ANKFN1: variants seen among roughly 807,000 people sequenced by gnomAD.
ANKFN1 encodes ankyrin repeat and fibronectin type-III domain-containing protein 1.
ANKFN1 carries 74 observed loss-of-function variants against 108.7 expected under a neutral mutation model. The ratio of observed to expected loss-of-function variants is 0.68; its 90% CI spans 0.56 to 0.83. ANKFN1 has a LOEUF of 0.83. Among genes scored for constraint, ANKFN1 ranks in the 40% least tolerant of loss-of-function variants. ANKFN1 has a pLI of 0.00. For missense variants in ANKFN1, 1,505 were observed against 1,382.3 expected, an observed-to-expected ratio of 1.09 and a Z score of -1.41; for synonymous variants, 547 against 516.2, an observed-to-expected ratio of 1.06 and a Z score of -0.81.
intron 8 of ANKFN1, among the ~76,000 whole-genome samples, chr17:56,386,375 G>T (rs2047270125): frequency 6.6e-6 from 1 of 151,904 alleles, no homozygotes; most frequent in Non-Finnish European, 1.5e-5. Flanking sequence ...AATGCTAAAT[G>T]ACAAGTTAAT....
intron 15 of ANKFN1, among the ~76,000 whole-genome samples, chr17:56,467,826 G>GAA (rs1166242975): frequency 6.3e-5 from 4 of 63,320 alleles, no homozygotes; most frequent in African/African-American, 3.8e-4. Flanking sequence ...AAGAAAGAAA[G>GAA]AAAGAAAGAA....
intron 20 of ANKFN1, among the ~76,000 whole-genome samples, chr17:56,509,396 C>T (rs1404841913): frequency 6.6e-6 from 1 of 152,190 alleles, no homozygotes; most frequent in Admixed American, 6.5e-5. Context: ...TGACCTCATC[C>T]AACACATCTA....
intron 11 of ANKFN1, 43 bp from the exon 12 acceptor site, chr17:56,456,818 T>G: frequency 6.5e-7 from 1 of 1,531,504 alleles, no homozygotes; most frequent in Non-Finnish European, 9.0e-7. Flanking sequence ...GGTGTTGATC[T>G]GCCCAGTGGA....
chr17:56,076,070 G>A lies in ANKFN1; in HGVS notation c.288+29745G>A, dbSNP rs777767171. Reference sequence around the variant, plus strand: ...ATCTCTGATACACAATTTGGACTTTGCTAAATTTTGGAAAGGTCATTCAGT... The same window carrying A: ...ATCTCTGATACACAATTTGGACTTTACTAAATTTTGGAAAGGTCATTCAGT... On this transcript the variant is annotated intron_variant, in intron 4 of 12. Coordinates refer to the ANKFN1 transcript ENST00000635860. Among the ~76,000 whole-genome samples, 13 of 152,088 alleles carry A rather than the reference G, an allele frequency of 8.5e-5. No homozygotes were observed. In the South Asian group the frequency reaches 1.0e-3, roughly 12 times the overall value.
At chr17:56,189,170 C>CTTTTTTTTTT (rs532063852) in intron 1 of ANKFN1, among the ~76,000 whole-genome samples, 6,134 of 84,784 alleles carry the variant, frequency 0.072, 781 homozygotes, top group East Asian at 0.15. Flanking sequence ...GTTGCCCTGA[C>CTTTTTTTTTT]TTTTTTTTTT....
At chr17:56,351,067 T>G (rs988918437) in intron 5 of ANKFN1, 100 bp downstream of exon 5, 7 of 1,226,246 alleles carry the variant, frequency 5.7e-6, no homozygotes, top group Non-Finnish European at 5.7e-6. Flanking sequence ...CAGAAGTTGA[T>G]GCTTGCAATT....
intron 3 of ANKFN1, among the ~76,000 whole-genome samples, chr17:56,280,008 C>CTTTTTTTT (rs3086033): frequency 4.4e-5 from 6 of 134,858 alleles, no homozygotes; most frequent in Admixed American, 7.3e-5. Context: ...CACATAATGT[C>CTTTTTTTT]TTTTTTTTTT....
At chr17:56,050,752 AT>A (rs1246730100) in intron 4 of ANKFN1, among the ~76,000 whole-genome samples, 1 of 152,122 alleles carries the variant, frequency 6.6e-6, no homozygotes, top group South Asian at 2.1e-4. Context: ...ATTGATCTAT[AT>A]CTCTGTTTTG....
upstream of ANKFN1, among the ~76,000 whole-genome samples, chr17:56,149,350 T>A (rs556261887): frequency 6.6e-6 from 1 of 152,186 alleles, no homozygotes; most frequent in Admixed American, 6.5e-5. Context: ...TAGAAAATGA[T>A]GTCTTGGGAT....
At chr17:56,507,014 A>G (rs1039806815) in intron 20 of ANKFN1, among the ~76,000 whole-genome samples, 5 of 152,216 alleles carry the variant, frequency 3.3e-5, no homozygotes, top group Non-Finnish European at 7.3e-5. Flanking sequence ...AATATCAGAT[A>G]TTGTTATTAC....
chr17:56,271,816 G>C (rs928676401), intron 3 of ANKFN1, among the ~76,000 whole-genome samples: 1 of 152,174 alleles, frequency 6.6e-6, no homozygotes, highest in Non-Finnish European at 1.5e-5. Context: ...CCTACATCCT[G>C]CCCCTGAAAG....
intron 10 of ANKFN1, among the ~76,000 whole-genome samples, chr17:56,443,647 C>G (rs2049189085): frequency 6.6e-6 from 1 of 152,208 alleles, no homozygotes; most frequent in South Asian, 2.1e-4. Context: ...CTGCTACAAA[C>G]CCACAAACAT....
At chr17:56,146,448 C>T (rs1230684087) in intron 4 of ANKFN1, among the ~76,000 whole-genome samples, 1 of 152,208 alleles carries the variant, frequency 6.6e-6, no homozygotes, top group African/African-American at 2.4e-5. Flanking sequence ...TCCATGAAGG[C>T]TCTGCCCCTG....
At chr17:56,338,363 A>C (rs561539239) in intron 4 of ANKFN1, among the ~76,000 whole-genome samples, 4 of 152,070 alleles carry the variant, frequency 2.6e-5, no homozygotes, top group African/African-American at 7.2e-5. Flanking sequence ...ATGATGAGTT[A>C]ATGGGTGCAG....
chr17:56,304,996 C>T (rs1432865794), intron 3 of ANKFN1, among the ~76,000 whole-genome samples: 1 of 152,130 alleles, frequency 6.6e-6, no homozygotes, highest in African/African-American at 2.4e-5. Flanking sequence ...GCTGTAAGGA[C>T]ATACCTGAGA....
intron 3 of ANKFN1, among the ~76,000 whole-genome samples, chr17:56,288,612 G>A (rs2044279137): frequency 6.6e-6 from 1 of 152,130 alleles, no homozygotes; most frequent in South Asian, 2.1e-4. Context: ...TTGGAAATAG[G>A]CAAATATAAA....
rs555127478 is a variant in ANKFN1 at position 56,092,690 on chromosome 17, C to T, written c.288+46365C>T. ...GAAGCCAGGTGAGTTTGCTACACAGCATCTCACAGGCCAAAGTCAAGGTTT... is the reference window on the plus strand; with the variant it reads ...GAAGCCAGGTGAGTTTGCTACACAGTATCTCACAGGCCAAAGTCAAGGTTT... On this transcript the variant is annotated intron_variant, in intron 4 of 12. Transcript: ENST00000635860. 1.6e-3 allele frequency among the ~76,000 whole-genome samples: 241 copies of T among 151,406 alleles called. 9 individuals are homozygous for T. Among genetic ancestry groups the T allele is most frequent in the African/African-American group, 5.7e-3 (234 of 41,334 alleles).
At chr17:56,428,462 CTT>C (rs1183827202) in intron 8 of ANKFN1, among the ~76,000 whole-genome samples, 10 of 133,254 alleles carry the variant, frequency 7.5e-5, no homozygotes, top group Admixed American at 1.5e-4. Flanking sequence ...AGCTTTTTTT[CTT>C]TTTTTTTTTT....
At chr17:56,272,829 G>T (rs1355784608) in intron 3 of ANKFN1, among the ~76,000 whole-genome samples, 1 of 152,186 alleles carries the variant, frequency 6.6e-6, no homozygotes, top group East Asian at 1.9e-4. Flanking sequence ...GGTTTAAGGA[G>T]GGAAATGCAA....
Sources: gnomAD v4.1 joint callset for allele counts (sites outside exome capture counted in the v4.1 genomes callset) on GRCh38, gnomAD v4.1.1 for gene constraint, MANE v1.5 for transcripts, NCBI Gene and HGNC (gene_info 2026-07-23, HGNC 2026-07-21) for gene names.